Variants in WAPL observed in about 807,000 individuals in gnomAD.
WAPL encodes the protein wings apart-like protein homolog.
WAPL carries 5 observed loss-of-function variants against 121.0 expected under a neutral mutation model. The ratio of observed to expected loss-of-function variants is 0.04; its 90% confidence interval spans 0.02 to 0.09. The LOEUF (loss-of-function observed/expected upper bound fraction) is 0.09. WAPL is among the 10% of genes least tolerant of loss of function. The pLI is 1.00. For missense variants in WAPL, 999 were observed against 1,410.8 expected (o/e 0.71, Z 4.68); for synonymous variants, 480 against 481.5 (o/e 1.00, Z 0.04).
chr10:86,460,143 T>C (rs1284116945), intron 11 of WAPL, among the ~76,000 whole-genome samples: 1 of 152,072 alleles, frequency 6.6e-6, no homozygotes, highest in Non-Finnish European at 1.5e-5. Flanking sequence ...ATAAAATCTT[T>C]AAAAAAGATT....
chr10:86,486,050 T>G (rs1841924553), intron 4 of WAPL, among the ~76,000 whole-genome samples: 1 of 152,196 alleles, frequency 6.6e-6, no homozygotes, highest in Non-Finnish European at 1.5e-5. Flanking sequence ...TTTGCCAGTT[T>G]CCCTCATCAC....
At chr10:86,465,877 G>A (rs1841385616) in intron 9 of WAPL, among the ~76,000 whole-genome samples, 1 of 152,124 alleles carries the variant, frequency 6.6e-6, no homozygotes, top group Non-Finnish European at 1.5e-5. Flanking sequence ...AATGTTTATA[G>A]AGTTTTGATG....
At position 86,510,068 on chromosome 10, in the gene WAPL, C is replaced by CTTTTTT. The variant is rs11323475; in HGVS notation, c.499+7497_499+7502dup. Reference sequence around the variant, plus strand: ...ACAGGCATCAGCCACTCCACCCGGCCTTTTTTTTTTTTTTTTTTTTTTTTG... The same window carrying CTTTTTT: ...ACAGGCATCAGCCACTCCACCCGGCCTTTTTTTTTTTTTTTTTTTTTTTTTTTTTTG... On this transcript the variant is annotated intron_variant, in intron 2 of 18. Coordinates refer to ENST00000298767, the MANE Select transcript of WAPL (RefSeq NM_015045.5). 1.6e-3 allele frequency among the ~76,000 whole-genome samples: 90 copies of CTTTTTT among 57,242 alleles called. 4 individuals are homozygous for CTTTTTT. Among genetic ancestry groups the CTTTTTT allele is most frequent in the African/African-American group, 7.0e-3 (83 of 11,934 alleles). The allele number at this position is 57,242 out of a possible 152,430, so 37.6% of individuals were successfully genotyped here.
At chr10:86,490,739 A>G (rs1272707654) in intron 4 of WAPL, among the ~76,000 whole-genome samples, 1 of 152,158 alleles carries the variant, frequency 6.6e-6, no homozygotes, top group Admixed American at 6.5e-5. Context: ...ATGCTGTAGG[A>G]TAAAGCAAAT....
intron 4 of WAPL, among the ~76,000 whole-genome samples, chr10:86,486,949 C>G (rs2132208587): frequency 6.6e-6 from 1 of 152,000 alleles, no homozygotes; most frequent in South Asian, 2.1e-4. Flanking sequence ...GGAGTGAAAC[C>G]CTGTCTCAAC....
chr10:86,483,413 C>T (rs1841840626), intron 4 of WAPL, among the ~76,000 whole-genome samples: 1 of 150,422 alleles, frequency 6.6e-6, no homozygotes, highest in African/African-American at 2.4e-5. Context: ...AGAGCAAAAA[C>T]TCCATCTCAA....
chr10:86,494,093 G>T (rs1842103729), intron 4 of WAPL, among the ~76,000 whole-genome samples: 3 of 152,310 alleles, frequency 2.0e-5, no homozygotes, highest in Middle Eastern at 3.4e-3. Context: ...AAAACTGCTG[G>T]TGCCTTAGCA....
chr10:86,480,464 G>A (rs936247972), intron 4 of WAPL, among the ~76,000 whole-genome samples: 3 of 152,066 alleles, frequency 2.0e-5, no homozygotes, highest in African/African-American at 7.2e-5. Flanking sequence ...ACATAACTTA[G>A]CCTATAATTC....
In WAPL at chr10:86,447,594, T is replaced by TA. The variant is rs150927559; in HGVS notation, c.3115-1146dup. Reference sequence around the variant, plus strand: ...GAGTATGAAAGAATGGGGACTCTTATAAAAAAAAAAAGTTTTAGGGGGAAG... The same window carrying TA: ...GAGTATGAAAGAATGGGGACTCTTATAAAAAAAAAAAAGTTTTAGGGGGAAG... On this transcript the variant is annotated intron_variant, in intron 15 of 18. Transcript: ENST00000298767. Among the ~76,000 whole-genome samples, 463 of 145,422 alleles carry TA rather than the reference T, an allele frequency of 3.2e-3. 2 individuals are homozygous for TA. The highest frequency in any genetic ancestry group is 0.01 in the African/African-American group (402 of 39,892).
rs552578871 is a variant in WAPL at position 86,511,327 on chromosome 10, T to G, written c.499+6244A>C. On this transcript the variant is annotated intron_variant, in intron 2 of 18. Coordinates refer to ENST00000298767, the MANE Select transcript of WAPL (RefSeq NM_015045.5). ...AAATTAAAAAAAGCAGAAAATTACTTGAACAGAGACAAGAGGGAATCCATA... is the reference window on the plus strand; with the variant it reads ...AAATTAAAAAAAGCAGAAAATTACTGGAACAGAGACAAGAGGGAATCCATA... Among the ~76,000 whole-genome samples the G allele has an allele frequency of 3.3e-5, 5 of 152,296 alleles. No homozygotes were observed. The East Asian group carries it at 9.6e-4, about 29-fold the overall frequency.
chr10:86,440,237 AG>A (rs1849428190), intron 17 of WAPL, among the ~76,000 whole-genome samples: 7 of 152,188 alleles, frequency 4.6e-5, no homozygotes, highest in Admixed American at 3.9e-4. Flanking sequence ...CTAAACCTAT[AG>A]TGTGTAAAAA....
intron 4 of WAPL, among the ~76,000 whole-genome samples, chr10:86,474,455 A>C (rs769772570): frequency 6.6e-6 from 1 of 150,386 alleles, no homozygotes; most frequent in Non-Finnish European, 1.5e-5. Flanking sequence ...CAGAGGTTGC[A>C]GTGAGCTAAG....
intron 4 of WAPL, among the ~76,000 whole-genome samples, chr10:86,493,446 T>G (rs766527578): frequency 3.3e-4 from 51 of 152,326 alleles, no homozygotes; most frequent in Middle Eastern, 3.4e-3. Context: ...GGTTAAATGC[T>G]AACTGGAAAA....
At position 86,459,603 on chromosome 10, in the gene WAPL, G is replaced by A. The variant is rs115618049; in HGVS notation, c.2581-538C>T. 3.9e-5 allele frequency among the ~76,000 whole-genome samples: 6 copies of A among 152,276 alleles called. No homozygotes were observed. In the South Asian group the frequency reaches 6.2e-4, roughly 16 times the overall value. Reference sequence around the variant, plus strand: ...TATACGGAACTGGGTTAAGTCTTTCGTAAGAGTCAAAGAACAAAATATACT... The same window carrying A: ...TATACGGAACTGGGTTAAGTCTTTCATAAGAGTCAAAGAACAAAATATACT... On this transcript the variant is annotated intron_variant, in intron 11 of 18. Coordinates refer to ENST00000298767, the MANE Select transcript of WAPL (RefSeq NM_015045.5).
At chr10:86,466,790 C>T (rs1164628668) in intron 9 of WAPL, among the ~76,000 whole-genome samples, 5 of 152,022 alleles carry the variant, frequency 3.3e-5, no homozygotes, top group East Asian at 1.9e-4. Context: ...TCAAACTCCC[C>T]GGGCTCAGGA....
chr10:86,517,460 G>A (rs1842578100), intron 2 of WAPL, 111 bp downstream of exon 2: 2 of 1,379,638 alleles, frequency 1.4e-6, no homozygotes. Context: ...TGGTCCCCAT[G>A]TATCATAAGT....
chr10:86,513,345 T>C (rs1842500305), intron 2 of WAPL, among the ~76,000 whole-genome samples: 1 of 152,118 alleles, frequency 6.6e-6, no homozygotes, highest in South Asian at 2.1e-4. Context: ...TTTATTTACT[T>C]ATTTATTGAG....
rs376766431 is a variant in WAPL, at chr10:86,474,882, C to T, written c.1645-909G>A. ...AGACAATGCGCTCATTTAAAGCAAACCACTGCAGCCAGCTGTGTGCCACCA... is the reference window on the plus strand; with the variant it reads ...AGACAATGCGCTCATTTAAAGCAAATCACTGCAGCCAGCTGTGTGCCACCA... On this transcript the variant is annotated intron_variant, in intron 4 of 18. Transcript: ENST00000298767. 3.9e-5 allele frequency among the ~76,000 whole-genome samples: 6 copies of T among 152,312 alleles called. No individual in the cohort carries two copies. The South Asian group carries it at 8.3e-4, about 21-fold the overall frequency.
chr10:86,501,072 G>A (rs1842238449), intron 2 of WAPL, among the ~76,000 whole-genome samples: 1 of 152,134 alleles, frequency 6.6e-6, no homozygotes, highest in Admixed American at 6.5e-5. Flanking sequence ...GGTATTATGG[G>A]CTTTTCAAAT....
Sources: gnomAD v4.1 joint callset for allele counts (sites outside exome capture counted in the v4.1 genomes callset) on GRCh38, gnomAD v4.1.1 for gene constraint, MANE v1.5 for transcripts, NCBI Gene and HGNC (gene_info 2026-07-23, HGNC 2026-07-21) for gene names.